SH3BGRL: variants seen among roughly 807,000 people sequenced by gnomAD.
SH3BGRL encodes adapter SH3BGRL.
SH3BGRL carries 7 observed loss-of-function variants against 9.8 expected under a neutral mutation model. The observed-to-expected ratio is 0.72, with a 90% CI of 0.41 to 1.35. The LOEUF (loss-of-function observed/expected upper bound fraction) is 1.35, where lower values mean the gene tolerates loss of function less well. Among genes scored for constraint, SH3BGRL ranks in the 40% most tolerant of loss-of-function variants. SH3BGRL has a pLI of 0.01. For synonymous variants in SH3BGRL, 36 were observed against 29.1 expected, an observed-to-expected ratio of 1.24 and a Z score of -0.76; for missense variants, 73 against 84.4, an observed-to-expected ratio of 0.86 and a Z score of 0.53.
intron 1 of SH3BGRL, among the ~76,000 whole-genome samples, chrX:81,247,853 G>T (rs764687423): frequency 5.2e-4 from 57 of 110,081 alleles, no homozygotes; most frequent in Non-Finnish European, 8.1e-4. Flanking sequence ...CTTCCTCCTT[G>T]TTTTGGGAAT....
chrX:81,280,782 T>C (rs770608950), intron 3 of SH3BGRL, among the ~76,000 whole-genome samples: 1 of 110,834 alleles, frequency 9.0e-6, no homozygotes, highest in African/African-American at 3.3e-5. Context: ...TGCAAAAAAA[T>C]CACACTAGCT....
chrX:81,270,596 A>G (rs752655301), intron 1 of SH3BGRL, among the ~76,000 whole-genome samples: 1 of 111,854 alleles, frequency 8.9e-6, no homozygotes, highest in South Asian at 3.7e-4. Context: ...CTTACTCTGG[A>G]AGCTTCGTCC....
At chrX:81,268,224 T>C (rs1402959125) in intron 1 of SH3BGRL, among the ~76,000 whole-genome samples, 3 of 111,264 alleles carry the variant, frequency 2.7e-5, no homozygotes, top group South Asian at 7.5e-4. Flanking sequence ...TCTCCTTCAG[T>C]TCTGCTCTGA....
chrX:81,242,995 G>A (rs773739261), intron 1 of SH3BGRL, among the ~76,000 whole-genome samples: 2 of 111,828 alleles, frequency 1.8e-5, no homozygotes, highest in East Asian at 5.7e-4. Flanking sequence ...TCTAAAAACT[G>A]AAAATAGAGA....
chrX:81,229,531 G>T (rs374378902), intron 1 of SH3BGRL, among the ~76,000 whole-genome samples: 1 of 111,314 alleles, frequency 9.0e-6, no homozygotes, highest in African/African-American at 3.3e-5. Context: ...GCAGATGGTT[G>T]GGGAGCCAGA....
chrX:81,250,119 G>T (rs763916620), intron 1 of SH3BGRL, among the ~76,000 whole-genome samples: 2 of 109,304 alleles, frequency 1.8e-5, no homozygotes, highest in Non-Finnish European at 3.8e-5. Flanking sequence ...AGTTTCAACT[G>T]GCCAGGTTCA....
chrX:81,236,982 G>A (rs1388428702), intron 1 of SH3BGRL: 1 of 433,046 alleles, frequency 2.3e-6, no homozygotes, highest in South Asian at 3.4e-5. Context: ...TAAGTGGCAA[G>A]GAACCTTCAG....
chrX:81,214,106 A>T (rs2075574240), intron 1 of SH3BGRL, among the ~76,000 whole-genome samples: 1 of 112,525 alleles, frequency 8.9e-6, no homozygotes, highest in Admixed American at 9.4e-5. Context: ...AGGAAAGATC[A>T]GAGTAGCATC....
rs780121564 is a variant in SH3BGRL, at chrX:81,277,187, A to T, written c.231+18A>T. On this transcript the variant is annotated intron_variant, in intron 2 of 3. Coordinates refer to ENST00000373212, the MANE Select transcript of SH3BGRL (RefSeq NM_003022.3). The stretch of plus-strand genomic sequence containing the variant: ...ATCGCGGGGTAAGAAAACAATTTAA[A>T]TTCTTGTTTATTGTAATAGATTGCC... 1 of 1,174,371 alleles carries T rather than the reference A, an allele frequency of 8.5e-7. No homozygotes were observed. The highest frequency in any genetic ancestry group is 2.3e-5 in the Admixed American group (1 of 44,208).
chrX:81,288,098 G>A (rs1241981720), intron 3 of SH3BGRL, among the ~76,000 whole-genome samples: 2 of 111,502 alleles, frequency 1.8e-5, no homozygotes, highest in Admixed American at 9.5e-5. Flanking sequence ...TCCTGACCAA[G>A]TGAGAATTTT....
At chrX:81,275,711 G>T (rs1480639289) in intron 1 of SH3BGRL, among the ~76,000 whole-genome samples, 1 of 112,112 alleles carries the variant, frequency 8.9e-6, no homozygotes, top group African/African-American at 3.2e-5. Context: ...AGCAAGTTTT[G>T]CTAGATTCTA....
intron 1 of SH3BGRL, among the ~76,000 whole-genome samples, chrX:81,217,255 T>G (rs188450229): frequency 9.0e-6 from 1 of 111,469 alleles, no homozygotes; most frequent in Admixed American, 9.6e-5. Flanking sequence ...AATTTTTTGT[T>G]TCAATTTCAT....
intron 1 of SH3BGRL, among the ~76,000 whole-genome samples, chrX:81,261,227 A>C (rs2075740431): frequency 9.0e-6 from 1 of 111,413 alleles, no homozygotes; most frequent in African/African-American, 3.3e-5. Context: ...ACTGTGGATA[A>C]ATTTACTTAA....
intron 3 of SH3BGRL, among the ~76,000 whole-genome samples, chrX:81,283,321 A>G (rs1364942541): frequency 2.7e-5 from 3 of 111,802 alleles, no homozygotes; most frequent in Non-Finnish European, 1.9e-5. Flanking sequence ...CATTCTATGA[A>G]GCCAGCATCA....
intron 1 of SH3BGRL, among the ~76,000 whole-genome samples, chrX:81,239,361 C>G (rs1384525629): frequency 3.6e-5 from 4 of 111,913 alleles, no homozygotes; most frequent in Non-Finnish European, 7.5e-5. Flanking sequence ...AACAGAAATT[C>G]TGGAGCAGAA....
chrX:81,221,198 T>G (rs983908370), intron 1 of SH3BGRL, among the ~76,000 whole-genome samples: 2 of 111,908 alleles, frequency 1.8e-5, no homozygotes, highest in Non-Finnish European at 3.8e-5. Context: ...ATCTGTCCAA[T>G]GCTGAATGAC....
intron 1 of SH3BGRL, among the ~76,000 whole-genome samples, chrX:81,270,902 G>A (rs2075776550): frequency 8.9e-6 from 1 of 111,908 alleles, no homozygotes; most frequent in African/African-American, 3.2e-5. Context: ...AAGCTGCCCT[G>A]CCACTTTGTT....
intron 1 of SH3BGRL, among the ~76,000 whole-genome samples, chrX:81,208,758 C>T (rs997105329): frequency 2.7e-5 from 3 of 111,519 alleles, no homozygotes; most frequent in Non-Finnish European, 5.6e-5. Context: ...ATATGAGAGA[C>T]AAACCTGACC....
intron 1 of SH3BGRL, among the ~76,000 whole-genome samples, chrX:81,268,005 A>C (rs1159091099): frequency 9.0e-6 from 1 of 111,664 alleles, no homozygotes. Flanking sequence ...ATTTTCGTAG[A>C]GGTGTTTATA....
Sources: gnomAD v4.1 joint callset for allele counts (sites outside exome capture counted in the v4.1 genomes callset) on GRCh38, gnomAD v4.1.1 for gene constraint, MANE v1.5 for transcripts, NCBI Gene and HGNC (gene_info 2026-07-23, HGNC 2026-07-21) for gene names.